NBEAL1: variants seen among roughly 807,000 people sequenced by gnomAD.
The protein encoded by NBEAL1 is neurobeachin like 1, also known as neurobeachin-like protein 1.
Under a neutral mutation model 351.3 loss-of-function variants are expected in NBEAL1, and 273 were observed. The ratio of observed to expected loss-of-function variants is 0.78; its 90% CI spans 0.70 to 0.86. The LOEUF is 0.86. NBEAL1 is among the 40% of genes least tolerant of loss of function. The pLI is 0.00. For synonymous variants in NBEAL1, 1,050 were observed against 1,086.4 expected (o/e 0.97, Z 0.66); for missense variants, 2,961 against 3,201.3 (o/e 0.92, Z 1.81).
chr2:203,144,958 A>G, intron 32 of NBEAL1, 53 bp downstream of exon 32: 1 of 1,509,954 alleles, frequency 6.6e-7, no homozygotes. Context: ...CCATTTTTAT[A>G]GAGGTGAAGT....
chr2:203,071,132 A>AT (rs1444426915), intron 7 of NBEAL1, among the ~76,000 whole-genome samples: 1 of 152,012 alleles, frequency 6.6e-6, no homozygotes, highest in African/African-American at 2.4e-5. Flanking sequence ...GGTTTCTAGG[A>AT]TTTTTTGCCT....
chr2:203,090,745 C>T (rs1377135929), intron 10 of NBEAL1, among the ~76,000 whole-genome samples: 1 of 152,058 alleles, frequency 6.6e-6, no homozygotes, highest in Non-Finnish European at 1.5e-5. Flanking sequence ...AAAAGTTAGC[C>T]AGGTGTCGTG....
intron 2 of NBEAL1, among the ~76,000 whole-genome samples, chr2:203,018,852 T>G (rs756046944): frequency 3.3e-5 from 5 of 152,100 alleles, no homozygotes; most frequent in Admixed American, 6.5e-5. Flanking sequence ...GTGTAATAAC[T>G]CCTCTTAAAA....
intron 45 of NBEAL1, among the ~76,000 whole-genome samples, chr2:203,189,330 A>G (rs1170852004): frequency 6.6e-6 from 1 of 152,206 alleles, no homozygotes; most frequent in African/African-American, 2.4e-5. Context: ...ATCATAACCA[A>G]AACAATTAGG....
At chr2:203,184,108 CAAAA>C (rs1175348052) in intron 44 of NBEAL1, among the ~76,000 whole-genome samples, 3 of 121,810 alleles carry the variant, frequency 2.5e-5, no homozygotes, top group Admixed American at 1.7e-4. Flanking sequence ...AAGAAACAAA[CAAAA>C]AAAGGCAGCT....
intron 5 of NBEAL1, 55 bp downstream of exon 5, chr2:203,056,563 T>TTTTGTTTG: frequency 9.8e-7 from 1 of 1,019,304 alleles, no homozygotes. Context: ...AGGTTTTACT[T>TTTTGTTTG]TTTGTTTGTT....
chr2:203,168,893 CAA>C (rs35683401), intron 38 of NBEAL1, among the ~76,000 whole-genome samples: 2 of 97,260 alleles, frequency 2.1e-5, no homozygotes, highest in African/African-American at 4.5e-5. Flanking sequence ...GACTCCATCT[CAA>C]AAAAAAAAAA....
intron 35 of NBEAL1, among the ~76,000 whole-genome samples, chr2:203,154,466 A>G (rs1364263847): frequency 6.6e-6 from 1 of 152,092 alleles, no homozygotes; most frequent in African/African-American, 2.4e-5. Context: ...GCCAGAATTC[A>G]TGGTTTTCTT....
chr2:203,028,345 G>GA (rs1201457589), intron 2 of NBEAL1, among the ~76,000 whole-genome samples: 1 of 151,708 alleles, frequency 6.6e-6, no homozygotes, highest in African/African-American at 2.4e-5. Context: ...TATGTTCTAA[G>GA]AAAAAATAGT....
At chr2:203,050,849 A>G (rs147842393) in intron 4 of NBEAL1, among the ~76,000 whole-genome samples, 22 of 152,312 alleles carry the variant, frequency 1.4e-4, no homozygotes, top group Admixed American at 6.5e-4. Context: ...GGCACTGCAT[A>G]TAAGAATTCA....
chr2:203,032,087 C>T (rs918705624), intron 2 of NBEAL1, among the ~76,000 whole-genome samples: 2 of 152,156 alleles, frequency 1.3e-5, no homozygotes, highest in African/African-American at 4.8e-5. Flanking sequence ...TACGGAGAGG[C>T]CCATCTTGTA....
chr2:203,113,561 C>T (rs908286912), intron 17 of NBEAL1, among the ~76,000 whole-genome samples: 1 of 151,910 alleles, frequency 6.6e-6, no homozygotes, highest in Non-Finnish European at 1.5e-5. Context: ...AGTTATCATC[C>T]ATAATACTGC....
At chr2:203,179,930 C>T (rs938335138) in intron 42 of NBEAL1, among the ~76,000 whole-genome samples, 2 of 152,026 alleles carry the variant, frequency 1.3e-5, no homozygotes, top group African/African-American at 2.4e-5. Context: ...TGTGCCACCA[C>T]GCCTGGCTAA....
intron 23 of NBEAL1, among the ~76,000 whole-genome samples, 198 bp from the exon 24 acceptor site, chr2:203,127,583 G>A (rs574965681): frequency 2.0e-4 from 30 of 152,188 alleles, no homozygotes; most frequent in Admixed American, 4.6e-4. Context: ...TTAGCTGGGC[G>A]TGGTGGCGTG....
chr2:203,099,955 A>T (rs990824883), intron 12 of NBEAL1, among the ~76,000 whole-genome samples: 1 of 151,690 alleles, frequency 6.6e-6, no homozygotes, highest in African/African-American at 2.4e-5. Context: ...GTCCATATGA[A>T]CTCAGTGTTT....
chr2:203,077,458 G>A (rs572512958), intron 7 of NBEAL1, among the ~76,000 whole-genome samples: 1 of 152,164 alleles, frequency 6.6e-6, no homozygotes, highest in Non-Finnish European at 1.5e-5. Flanking sequence ...TGTGACTTCA[G>A]GCAAGATATT....
chr2:203,040,044 A>G, intron 2 of NBEAL1: 1 of 643,540 alleles, frequency 1.6e-6, no homozygotes, highest in Non-Finnish European at 2.7e-6. Flanking sequence ...CTCATTGAGA[A>G]TATGTCATTT....
intron 46 of NBEAL1, 103 bp downstream of exon 46, chr2:203,190,492 C>G: frequency 1.2e-6 from 1 of 831,362 alleles, no homozygotes; most frequent in South Asian, 1.7e-5. Context: ...GCCAGTTACT[C>G]TCAGTCACAG....
Position 203,201,698 on chromosome 2 carries a change from A to T in NBEAL1, c.7394A>T (p.His2465Leu). ...MSLTKGKIIS[H>L]IIRHMDIVTC... is the part of the protein sequence containing the mutation. ...CTTACAAAAGGCAAAATTATCTCAC[A>T]CATCATCCGGCATATGGGTAAGCAT... Residue 2465 changes from histidine (H) to leucine (L), a missense_variant, in exon 50 of 56, where the codon CAC becomes CTC. Physicochemically the swap from His to Leu is moderately conservative, Grantham distance 99 (BLOSUM62 -3). Transcript: ENST00000683969. 3 of 1,600,908 alleles carry T rather than the reference A, an allele frequency of 1.9e-6. No individual in the cohort carries two copies. Among genetic ancestry groups the T allele is most frequent in the Non-Finnish European group, 2.6e-6 (3 of 1,172,808 alleles).
Sources: gnomAD v4.1 joint callset for allele counts (sites outside exome capture counted in the v4.1 genomes callset) on GRCh38, gnomAD v4.1.1 for gene constraint, MANE v1.5 for transcripts, NCBI Gene and HGNC (gene_info 2026-07-23, HGNC 2026-07-21) for gene names.